Variants in SLC30A10 observed in about 807,000 individuals in gnomAD.
SLC30A10 encodes the protein calcium/manganese antiporter SLC30A10.
Under a neutral mutation model 21.7 loss-of-function variants are expected in SLC30A10, and 8 were observed. The ratio of observed to expected loss-of-function variants is 0.37; its 90% CI spans 0.22 to 0.67. The LOEUF is 0.67. Among genes scored for constraint, SLC30A10 ranks in the 30% least tolerant of loss-of-function variants. The probability of loss-of-function intolerance (pLI) is 0.58; values close to 1 mark genes in which losing one functional copy is unlikely to be tolerated. For missense variants in SLC30A10, 521 were observed against 642.5 expected (o/e 0.81, Z 2.04); for synonymous variants, 272 against 279.4 (o/e 0.97, Z 0.26).
Position 219,927,093 on chromosome 1 carries a change from T to C in SLC30A10, c.653A>G (p.Asn218Ser). The C allele has an allele frequency of 6.2e-7, 1 of 1,614,076 alleles. No homozygotes were observed. The highest frequency in any genetic ancestry group is 8.5e-7 in the Non-Finnish European group (1 of 1,179,988). ...CATGTCTTCTGGCTCATTCTGGGTG[T>C]TGAAGGAATCACCTGCATTCAAAGA... Reference protein sequence around the residue: ...VFANVAGDSFNTQNEPEDMMK... With the variant: ...VFANVAGDSFSTQNEPEDMMK... Residue 218 changes from asparagine (N) to serine (S), a missense_variant, in exon 2 of 4, where the codon AAC becomes AGC. Transcript: ENST00000366926.
chr1:219,954,247 A>G (rs1353586351), intron 1 of SLC30A10, among the ~76,000 whole-genome samples: 1 of 152,128 alleles, frequency 6.6e-6, no homozygotes, highest in East Asian at 1.9e-4. Context: ...GCAGTGTGTT[A>G]AAACCTTCTG....
rs1414820217 is a variant in SLC30A10 at position 219,925,649 on chromosome 1, A to ATT, written c.718+1378_718+1379insAA. On this transcript the variant is annotated intron_variant, in intron 2 of 3. Transcript: ENST00000366926. The stretch of plus-strand genomic sequence containing the variant: ...TGTGTGTACATATATATATATATAT[A>ATT]TATTTTTTTTTTTTTTTTTTTTTTG... Among the ~76,000 whole-genome samples the ATT allele has an allele frequency of 6.8e-3, 450 of 65,902 alleles. 4 individuals are homozygous for ATT. Among genetic ancestry groups the ATT allele is most frequent in the Non-Finnish European group, 8.9e-3 (357 of 40,006 alleles). 43.2% of individuals were successfully genotyped at this position (65,902 alleles called of 152,430 possible).
upstream of SLC30A10, among the ~76,000 whole-genome samples, chr1:219,932,319 A>G (rs1659980768): frequency 6.6e-6 from 1 of 152,228 alleles, no homozygotes; most frequent in Admixed American, 6.5e-5. Flanking sequence ...ATGGTTTTTA[A>G]AAGTTCTGTT....
At position 219,913,977 on chromosome 1, in the gene SLC30A10, C is replaced by G. The variant is rs1195263939; in HGVS notation, c.*1472G>C. On this transcript the variant is annotated 3_prime_UTR_variant, in exon 4 of 4. Coordinates refer to ENST00000366926, the MANE Select transcript of SLC30A10 (RefSeq NM_018713.3). ...GATCATAGCTGCTTATTTATTTTAG[C>G]CTTCAAATTTAGGACTAAGATACAT... 1 of 151,906 alleles carries G rather than the reference C, an allele frequency of 6.6e-6. No homozygotes were observed. Among genetic ancestry groups the G allele is most frequent in the African/African-American group, 2.4e-5 (1 of 41,324 alleles). 9.4% of individuals were successfully genotyped at this position (151,906 alleles called of 1,614,324 possible). A position where few individuals can be genotyped will look rare whatever the true frequency, so the allele number is the denominator to read the frequency against.
At chr1:219,956,663 T>TA (rs34477686) in intron 1 of SLC30A10, among the ~76,000 whole-genome samples, 38 of 136,446 alleles carry the variant, frequency 2.8e-4, no homozygotes, top group East Asian at 2.3e-3. Flanking sequence ...AAATAAAAAT[T>TA]AAAAAAAAAA....
At chr1:219,929,926 G>T (rs542037742), upstream of SLC30A10, among the ~76,000 whole-genome samples, 18 of 152,258 alleles carry the variant, frequency 1.2e-4, no homozygotes, top group African/African-American at 3.9e-4. Context: ...CTTGAAGAAG[G>T]GTGTCTGCTG....
At chr1:219,927,211 T>C in intron 1 of SLC30A10, 106 bp from the exon 2 acceptor site, 1 of 1,185,016 alleles carries the variant, frequency 8.4e-7, no homozygotes, top group Non-Finnish European at 1.2e-6. Context: ...TTCTACTAGC[T>C]TAAGGGAGAC....
chr1:219,922,039 G>T (rs555128033), intron 2 of SLC30A10, among the ~76,000 whole-genome samples: 3 of 151,624 alleles, frequency 2.0e-5, no homozygotes, highest in African/African-American at 7.3e-5. Context: ...CTCCAACTTC[G>T]AACTCTTGGG....
At position 219,918,175 on chromosome 1, in the gene SLC30A10, T is replaced by C; in HGVS notation, c.958+80A>G. On this transcript the variant is annotated intron_variant, in intron 3 of 3. Transcript: ENST00000366926. The surrounding 1 kb of genome is among the most constrained non-coding windows in gnomAD (Gnocchi z 4.4). ...GTTTCAGAATACATAACTCAAACAC[T>C]GCTCTTAAATAATGCTTGTCCTTTG... The C allele has an allele frequency of 1.3e-6, 2 of 1,535,698 alleles. No individual in the cohort carries two copies. The highest frequency in any genetic ancestry group is 1.4e-5 in the African/African-American group (1 of 72,932).
At position 219,927,927 on chromosome 1, in the gene SLC30A10, CCT is replaced by C; in HGVS notation, c.512_513del (p.Gln171ArgfsTer44). 1 of 1,538,090 alleles carries C rather than the reference CCT, an allele frequency of 6.5e-7. No homozygotes were observed. Among genetic ancestry groups the C allele is most frequent in the Non-Finnish European group, 8.8e-7 (1 of 1,142,068 alleles). On this transcript the variant is annotated frameshift_variant, in exon 1 of 4. Coordinates refer to ENST00000366926, the MANE Select transcript of SLC30A10 (RefSeq NM_018713.3). LOFTEE classifies it high-confidence loss of function. ...GCVPGAFGGPQGAEDPRRAAD... is the reference protein window; with the variant it reads ...GCVPGAFGGPXGAEDPRRAAD... ...GCCGCGCGCCGCGGGTCCTCCGCGC[CCT>C]GAGGCCCCCCGAAAGCGCCGGGGAC...
chr1:219,958,040 C>T (rs964520726), intron 1 of SLC30A10, among the ~76,000 whole-genome samples: 4 of 152,130 alleles, frequency 2.6e-5, no homozygotes, highest in East Asian at 1.9e-4. Flanking sequence ...TTTTTTCTCT[C>T]GCCATTTTAC....
chr1:219,936,424 G>A (rs1660046192), intron 1 of SLC30A10, among the ~76,000 whole-genome samples: 1 of 152,128 alleles, frequency 6.6e-6, no homozygotes, highest in Admixed American at 6.6e-5. Context: ...AGATTGCCTG[G>A]ACCCCTCCCT....
intron 3 of SLC30A10, among the ~76,000 whole-genome samples, chr1:219,916,783 G>A (rs1455728482): frequency 6.6e-6 from 1 of 152,084 alleles, no homozygotes; most frequent in East Asian, 1.9e-4. Context: ...CATGACGTTA[G>A]GCAATTACCT....
intron 1 of SLC30A10, among the ~76,000 whole-genome samples, chr1:219,941,132 A>C (rs773803744): frequency 2.0e-5 from 3 of 152,250 alleles, no homozygotes; most frequent in Non-Finnish European, 2.9e-5. Context: ...AGGAGAACAC[A>C]GAAGGAAATA....
upstream of SLC30A10, among the ~76,000 whole-genome samples, chr1:219,929,137 C>A (rs1659925506): frequency 1.3e-5 from 2 of 152,220 alleles, no homozygotes; most frequent in Non-Finnish European, 2.9e-5. Context: ...CAGGATAAAG[C>A]TATTTAATCC....
intron 1 of SLC30A10, among the ~76,000 whole-genome samples, chr1:219,957,631 G>A (rs770693610): frequency 6.6e-6 from 1 of 152,106 alleles, no homozygotes; most frequent in African/African-American, 2.4e-5. Flanking sequence ...ATTACAGGTA[G>A]AGAAACATGC....
rs1445564610 is a variant in SLC30A10, at chr1:219,947,634, T to A, written n.80+10934A>T. Among the ~76,000 whole-genome samples the A allele has an allele frequency of 2.0e-5, 3 of 152,124 alleles. No homozygotes were observed. The East Asian group carries it at 5.8e-4, about 29-fold the overall frequency. ...TGGAAAACATTCTAAGGACAGGGAA[T>A]CTCCAGATATTATTGCCTCTCATTA... is the stretch of plus-strand genomic sequence containing the variant. On this transcript the variant is annotated intron_variant and non_coding_transcript_variant, in intron 1 of 8. Transcript: ENST00000484239.
chr1:219,928,857 C>T (rs1659917228), upstream of SLC30A10, among the ~76,000 whole-genome samples: 1 of 152,192 alleles, frequency 6.6e-6, no homozygotes, highest in Admixed American at 6.5e-5. This position sits in a 1 kb window ranked among gnomAD's most constrained non-coding sequence, Gnocchi z 6.3. Context: ...ACCCAGACAC[C>T]CCGCTTCTCC....
chr1:219,917,215 T>A (rs1659565311), intron 3 of SLC30A10, among the ~76,000 whole-genome samples: 1 of 152,158 alleles, frequency 6.6e-6, no homozygotes, highest in Non-Finnish European at 1.5e-5. Context: ...GGTCTTGAAC[T>A]CCTGGCCTTA....
Sources: allele counts gnomAD v4.1 joint callset (sites outside exome capture counted in the v4.1 genomes callset), GRCh38; gene constraint gnomAD v4.1.1; non-coding constraint Gnocchi (gnomAD v3.1); transcripts MANE v1.5; gene names NCBI Gene and HGNC (gene_info 2026-07-23, HGNC 2026-07-21).